MGAM2: variants seen among roughly 807,000 people sequenced by gnomAD.
MGAM2 encodes the protein probable maltase-glucoamylase 2.
A neutral mutation model predicts 96.1 loss-of-function variants in MGAM2; 98 were observed. The observed-to-expected ratio is 1.02, with a 90% confidence interval of 0.87 to 1.21. The LOEUF is 1.21. Among genes scored for constraint, MGAM2 ranks in the 50% most tolerant of loss-of-function variants. The probability of loss-of-function intolerance (pLI) is 0.00; values close to 1 mark genes in which losing one functional copy is unlikely to be tolerated. For synonymous variants in MGAM2, 749 were observed against 414.8 expected (o/e 1.81, Z -9.79); for missense variants, 2,055 against 1,182.4 (o/e 1.74, Z -10.82).
At position 142,166,361 on chromosome 7, in the gene MGAM2, C is replaced by T. The variant is rs112502595; in HGVS notation, c.2808+108C>T. The stretch of plus-strand genomic sequence containing the variant: ...AAGAAAACCAGGACCCTGTGCAACA[C>T]GCCTTTTGCCAACTCTACATGATAG... On this transcript the variant is annotated intron_variant, in intron 25 of 47. Transcript: ENST00000477922. 3.7e-3 allele frequency: 2,057 copies of T among 561,026 alleles called. 38 individuals are homozygous for T. Among genetic ancestry groups the T allele is most frequent in the African/African-American group, 0.034 (1,790 of 52,808 alleles). 34.8% of individuals were successfully genotyped at this position (561,026 alleles called of 1,614,324 possible). A position where few individuals can be genotyped will look rare whatever the true frequency, so the allele number is the denominator to read the frequency against.
intron 46 of MGAM2, among the ~76,000 whole-genome samples, chr7:142,211,372 G>A (rs1374942768): frequency 6.6e-6 from 1 of 152,140 alleles, no homozygotes; most frequent in Non-Finnish European, 1.5e-5. Context: ...GGCTTCAGAA[G>A]GTGGGTAATA....
chr7:142,121,674 A>G (rs1366713427), intron 3 of MGAM2, among the ~76,000 whole-genome samples: 1 of 150,096 alleles, frequency 6.7e-6, no homozygotes, highest in Non-Finnish European at 1.5e-5. Context: ...TATATTTATT[A>G]TTTTTACTTT....
At chr7:142,185,915 C>T (rs1029999508) in intron 34 of MGAM2, 74 bp from the exon 35 acceptor site, 4 of 659,766 alleles carry the variant, frequency 6.1e-6, no homozygotes, top group African/African-American at 5.4e-5. Flanking sequence ...GGCACAAATT[C>T]CTGTTCATCT....
intron 23 of MGAM2, among the ~76,000 whole-genome samples, chr7:142,162,910 C>T (rs1314097634): frequency 6.6e-6 from 1 of 151,946 alleles, no homozygotes; most frequent in African/African-American, 2.4e-5. Flanking sequence ...AAGATCTTTC[C>T]TGCTGCCCTT....
intron 13 of MGAM2, among the ~76,000 whole-genome samples, chr7:142,144,601 G>A (rs1795330446): frequency 6.6e-6 from 1 of 152,096 alleles, no homozygotes; most frequent in Non-Finnish European, 1.5e-5. Flanking sequence ...TTAGCTGATT[G>A]AAATCAATTT....
At position 142,208,393 on chromosome 7, in the gene MGAM2, C is replaced by A. The variant is rs1166349989; in HGVS notation, c.5138-180C>A. ...AAGGTACCCATTTGCATTTGCACAT[C>A]CCCACACTAACATGCAGTGAAATAG... On this transcript the variant is annotated intron_variant, in intron 45 of 47. Coordinates refer to ENST00000477922, the MANE Select transcript of MGAM2 (RefSeq NM_001293626.2). 7.6e-6 allele frequency: 5 copies of A among 657,816 alleles called. No individual in the cohort carries two copies. The African/African-American group carries it at 8.9e-5, about 12-fold the overall frequency. The allele number at this position is 657,816 out of a possible 1,614,324, so 40.7% of individuals were successfully genotyped here. A position where few individuals can be genotyped will look rare whatever the true frequency, so the allele number is the denominator to read the frequency against.
chr7:142,147,058 T>C (rs1245506723), intron 14 of MGAM2, among the ~76,000 whole-genome samples: 1 of 152,112 alleles, frequency 6.6e-6, no homozygotes, highest in Non-Finnish European at 1.5e-5. Context: ...GACTGTATTA[T>C]AAAAAAGAAA....
chr7:142,205,457 T>C (rs1797375446), intron 45 of MGAM2, among the ~76,000 whole-genome samples: 1 of 144,576 alleles, frequency 6.9e-6, no homozygotes, highest in South Asian at 2.3e-4. Context: ...ATCTCTCTTC[T>C]TCCTTGTCAA....
At chr7:142,133,057 G>A (rs9768547) in intron 6 of MGAM2, among the ~76,000 whole-genome samples, 54,453 of 129,962 alleles carry the variant, frequency 0.42, 11,775 homozygotes, top group African/African-American at 0.55. Context: ...AATTTAATCA[G>A]TTTAATTATA....
At chr7:142,168,771 G>A (rs886982322) in intron 26 of MGAM2, among the ~76,000 whole-genome samples, 8 of 151,646 alleles carry the variant, frequency 5.3e-5, no homozygotes, top group Middle Eastern at 3.4e-3. Context: ...TTTAACCAAT[G>A]CGCTAAAATA....
In MGAM2 at chr7:142,169,024, G is replaced by A. The variant is rs547759206; in HGVS notation, c.3028-1051G>A. Among the ~76,000 whole-genome samples, 6 of 152,212 alleles carry A rather than the reference G, an allele frequency of 3.9e-5. No individual in the cohort carries two copies. In the South Asian group the frequency reaches 6.2e-4, roughly 16 times the overall value. On this transcript the variant is annotated intron_variant, in intron 26 of 47. Transcript: ENST00000477922. Reference sequence around the variant, plus strand: ...ACTGGGGCAGCTTGTGAAAATATAAGTTCTAATTCAGAAAATCTGGGTTGG... The same window carrying A: ...ACTGGGGCAGCTTGTGAAAATATAAATTCTAATTCAGAAAATCTGGGTTGG...
rs751584959 is a variant in MGAM2, at chr7:142,164,973, A to T, written c.2602A>T (p.Asn868Tyr). Reference sequence around the variant, plus strand: ...GCCAGCTAATTTTATCGTCCTACTGAATAATGTTGCCACCTCCAGTCCAAG... The same window carrying T: ...GCCAGCTAATTTTATCGTCCTACTGTATAATGTTGCCACCTCCAGTCCAAG... ...KQPANFIVLLNNVATSSPSVV... is the reference protein window; with the variant it reads ...KQPANFIVLLYNVATSSPSVV... Residue 868 changes from asparagine (N) to tyrosine (Y), a missense_variant, in exon 24 of 48, where the codon AAT becomes TAT. Asn to Tyr is a moderately radical substitution (Grantham distance 143). Transcript: ENST00000477922. 2.1e-5 allele frequency: 15 copies of T among 702,624 alleles called. No homozygotes were observed. Among genetic ancestry groups the T allele is most frequent in the Middle Eastern group, 2.3e-4 (1 of 4,392 alleles). 43.5% of individuals were successfully genotyped at this position (702,624 alleles called of 1,614,324 possible).
At chr7:142,114,265 C>T (rs1041547560) in intron 1 of MGAM2, among the ~76,000 whole-genome samples, 1 of 149,484 alleles carries the variant, frequency 6.7e-6, no homozygotes, top group African/African-American at 2.5e-5. Context: ...GAAGATAAGC[C>T]AGAAATAGAG....
At chr7:142,164,120 C>T (rs1249754218) in intron 23 of MGAM2, among the ~76,000 whole-genome samples, 3 of 152,018 alleles carry the variant, frequency 2.0e-5, no homozygotes, top group African/African-American at 7.3e-5. Flanking sequence ...TGTCCAGTTG[C>T]CCCAGCACCT....
chr7:142,165,416 T>C (rs1796002790), intron 24 of MGAM2, among the ~76,000 whole-genome samples: 1 of 152,224 alleles, frequency 6.6e-6, no homozygotes, highest in Non-Finnish European at 1.5e-5. Flanking sequence ...GCTATTTTCA[T>C]ACCATTAATA....
chr7:142,115,316 G>A (rs577552159), intron 1 of MGAM2, among the ~76,000 whole-genome samples: 1 of 152,330 alleles, frequency 6.6e-6, no homozygotes, highest in South Asian at 2.1e-4. Context: ...TATGAGCCTC[G>A]GTGGCATCTC....
intron 6 of MGAM2, 91 bp from the exon 7 acceptor site, chr7:142,133,890 G>T: frequency 1.7e-6 from 1 of 595,276 alleles, no homozygotes; most frequent in Middle Eastern, 2.7e-4. Flanking sequence ...AACAACAGAG[G>T]TCTAAGTGTA....
At position 142,173,227 on chromosome 7, in the gene MGAM2, A is replaced by T. The variant is rs1796255883; in HGVS notation, c.3562-2A>T. On this transcript the variant is annotated splice_acceptor_variant, in intron 30 of 47. Coordinates refer to ENST00000477922, the MANE Select transcript of MGAM2 (RefSeq NM_001293626.2). LOFTEE classifies it high-confidence loss of function. ...CTGGATGCATTTTTCTTTTTATTCTAGTTGATTGGTCGGCCAGCAATGATT... is the reference window on the plus strand; with the variant it reads ...CTGGATGCATTTTTCTTTTTATTCTTGTTGATTGGTCGGCCAGCAATGATT... 1 of 702,672 alleles carries T rather than the reference A, an allele frequency of 1.4e-6. No homozygotes were observed. The highest frequency in any genetic ancestry group is 1.7e-5 in the African/African-American group (1 of 57,192). The allele number at this position is 702,672 out of a possible 1,614,324, so 43.5% of individuals were successfully genotyped here.
At chr7:142,168,489 C>T (rs898210687) in intron 26 of MGAM2, among the ~76,000 whole-genome samples, 2 of 152,152 alleles carry the variant, frequency 1.3e-5, no homozygotes, top group East Asian at 1.9e-4. Context: ...AGGCTGGTCT[C>T]GAACTCCTGA....
Sources: gnomAD v4.1 joint callset for allele counts (sites outside exome capture counted in the v4.1 genomes callset) on GRCh38, gnomAD v4.1.1 for gene constraint, MANE v1.5 for transcripts, NCBI Gene and HGNC (gene_info 2026-07-23, HGNC 2026-07-21) for gene names.